The following KCNMA1 variants were observed in gnomAD, a reference collection of about 807,000 sequenced individuals.
The protein encoded by KCNMA1 is potassium calcium-activated channel subfamily M alpha 1, also known as Calcium-activated potassium channel subunit alpha-1.
KCNMA1 carries 29 observed loss-of-function variants against 140.0 expected under a neutral mutation model. That is an observed-to-expected ratio of 0.21 (90% CI 0.15 to 0.28). KCNMA1 has a LOEUF of 0.28. Ranked by LOEUF, KCNMA1 falls within the 10% of genes least tolerant of loss-of-function variation. The probability of loss-of-function intolerance (pLI) is 1.00; values close to 1 mark genes in which losing one functional copy is unlikely to be tolerated. For missense variants in KCNMA1, 880 were observed against 1,602.2 expected, an observed-to-expected ratio of 0.55 and a Z score of 7.70; for synonymous variants, 612 against 611.9, an observed-to-expected ratio of 1.00 and a Z score of 0.00.
chr10:76,979,124 C>T (rs1484142725), intron 19 of KCNMA1, among the ~76,000 whole-genome samples: 1 of 152,194 alleles, frequency 6.6e-6, no homozygotes, highest in East Asian at 1.9e-4. Flanking sequence ...TGCCACCCCA[C>T]AGAACTGGAC....
At chr10:77,213,212 A>G (rs2154177103) in intron 3 of KCNMA1, among the ~76,000 whole-genome samples, 1 of 152,352 alleles carries the variant, frequency 6.6e-6, no homozygotes, top group Non-Finnish European at 1.5e-5. Context: ...GCAACGAGCA[A>G]AAACGGCTCT....
At chr10:77,626,669 T>C (rs2092569820) in intron 1 of KCNMA1, among the ~76,000 whole-genome samples, 1 of 152,202 alleles carries the variant, frequency 6.6e-6, no homozygotes, top group Non-Finnish European at 1.5e-5. Context: ...ATTCTGCTCT[T>C]GGTTAACAAG....
At chr10:76,966,345 A>G (rs2073919843) in intron 20 of KCNMA1, among the ~76,000 whole-genome samples, 1 of 152,222 alleles carries the variant, frequency 6.6e-6, no homozygotes, top group South Asian at 2.1e-4. Flanking sequence ...ACGTGCAACT[A>G]TGTGGAGGTG....
chr10:77,603,203 A>T (rs1352878475), intron 1 of KCNMA1, among the ~76,000 whole-genome samples: 2 of 152,110 alleles, frequency 1.3e-5, no homozygotes, highest in Non-Finnish European at 2.9e-5. Flanking sequence ...GGCTCCTTGT[A>T]CCACTAAAAA....
chr10:77,123,588 A>C (rs893339504), intron 5 of KCNMA1, among the ~76,000 whole-genome samples: 27 of 152,322 alleles, frequency 1.8e-4, no homozygotes, highest in African/African-American at 6.3e-4. Flanking sequence ...TAGCACTGAA[A>C]CTATGAAAGA....
chr10:77,053,977 C>T (rs2095460928), intron 14 of KCNMA1, among the ~76,000 whole-genome samples: 1 of 152,124 alleles, frequency 6.6e-6, no homozygotes, highest in Non-Finnish European at 1.5e-5. Flanking sequence ...TTGCCCTGTC[C>T]CATCCTGCTG....
chr10:77,285,477 A>G (rs1269128418), intron 2 of KCNMA1, among the ~76,000 whole-genome samples: 1 of 152,260 alleles, frequency 6.6e-6, no homozygotes, highest in African/African-American at 2.4e-5. Context: ...AGGCAGTGGT[A>G]TGAGAGAAAT....
At chr10:77,201,147 T>G (rs1321488270) in intron 3 of KCNMA1, among the ~76,000 whole-genome samples, 1 of 152,170 alleles carries the variant, frequency 6.6e-6, no homozygotes, top group African/African-American at 2.4e-5. Flanking sequence ...AGATGCCATT[T>G]TCAGGTAATG....
At chr10:77,374,673 C>T (rs1328736868) in intron 2 of KCNMA1, among the ~76,000 whole-genome samples, 2 of 152,208 alleles carry the variant, frequency 1.3e-5, no homozygotes, top group African/African-American at 4.8e-5. Flanking sequence ...CTCCTGGGCA[C>T]AGACTTGCTG....
chr10:77,011,539 C>A (rs2090744573), intron 18 of KCNMA1, among the ~76,000 whole-genome samples: 1 of 152,154 alleles, frequency 6.6e-6, no homozygotes, highest in Admixed American at 6.6e-5. Context: ...GAGTCAACTC[C>A]CATTTTGGAG....
At chr10:76,953,712 T>C (rs923359035) in intron 21 of KCNMA1, 89 bp downstream of exon 21, 15 of 1,509,210 alleles carry the variant, frequency 9.9e-6, no homozygotes, top group Non-Finnish European at 1.1e-5. Flanking sequence ...GACAGTATTA[T>C]CCCACTGTCC....
intron 1 of KCNMA1, among the ~76,000 whole-genome samples, chr10:77,453,364 TATAAATAA>T (rs143343288): frequency 1.2e-4 from 18 of 145,012 alleles, no homozygotes; most frequent in African/African-American, 4.3e-4. Flanking sequence ...AATAAATAAA[TATAAATAA>T]ATAAATAAAT....
intron 3 of KCNMA1, chr10:77,250,900 A>G (rs142797679): frequency 1.6e-5 from 6 of 377,024 alleles, no homozygotes; most frequent in African/African-American, 1.2e-4. Context: ...ACTACTTGAC[A>G]TCTTCAGTGC....
intron 1 of KCNMA1, among the ~76,000 whole-genome samples, chr10:77,464,827 G>A (rs940705310): frequency 6.6e-6 from 1 of 152,186 alleles, no homozygotes; most frequent in Non-Finnish European, 1.5e-5. Context: ...AGAGTTAAGA[G>A]GATAAATCTG....
rs1395210317 is a variant in KCNMA1, at chr10:77,079,367, A to AGT, written c.1593+113_1593+114insAC. ...TGAGTTGCGCACATGTGGGCATGTG[A>AGT]GAGTGTGTGTGTGTGTGTGTGTGTG... On this transcript the variant is annotated intron_variant, in intron 13 of 27. Transcript: ENST00000286628. The AGT allele has an allele frequency of 3.2e-5, 12 of 379,252 alleles. No individual in the cohort carries two copies. The South Asian group carries it at 3.3e-4, about 10-fold the overall frequency. 23.5% of individuals were successfully genotyped at this position (379,252 alleles called of 1,614,324 possible).
At chr10:76,953,071 C>G (rs539248160) in intron 21 of KCNMA1, among the ~76,000 whole-genome samples, 1 of 152,200 alleles carries the variant, frequency 6.6e-6, no homozygotes. Context: ...CTGGGAGAGA[C>G]TGGGTGAGCC....
intron 1 of KCNMA1, among the ~76,000 whole-genome samples, chr10:77,424,765 C>T (rs1411445557): frequency 6.6e-6 from 1 of 152,178 alleles, no homozygotes; most frequent in Non-Finnish European, 1.5e-5. Flanking sequence ...TTCTGCTGAG[C>T]CTCAAAGGAT....
chr10:77,239,047 A>C (rs1360628828), intron 3 of KCNMA1, among the ~76,000 whole-genome samples: 1 of 152,194 alleles, frequency 6.6e-6, no homozygotes, highest in Non-Finnish European at 1.5e-5. Context: ...TCTACTCCTC[A>C]GCCTCACCTC....
intron 23 of KCNMA1, 70 bp from the exon 24 acceptor site, chr10:76,915,119 C>G: frequency 9.4e-7 from 1 of 1,061,006 alleles, no homozygotes; most frequent in South Asian, 1.3e-5. Flanking sequence ...TCAGAGTACA[C>G]TATATACATA....
Sources: allele counts gnomAD v4.1 joint callset (sites outside exome capture counted in the v4.1 genomes callset), GRCh38; gene constraint gnomAD v4.1.1; transcripts MANE v1.5; gene names NCBI Gene and HGNC (gene_info 2026-07-23, HGNC 2026-07-21).